The following GALNTL6 variants were observed in gnomAD, a reference collection of about 807,000 sequenced individuals.
GALNTL6 encodes polypeptide N-acetylgalactosaminyltransferase like 6, also known as polypeptide N-acetylgalactosaminyltransferase-like 6.
Under a neutral mutation model 73.7 loss-of-function variants are expected in GALNTL6, and 46 were observed. The ratio of observed to expected loss-of-function variants is 0.62; its 90% CI spans 0.49 to 0.80. The LOEUF (loss-of-function observed/expected upper bound fraction) is 0.80. GALNTL6 is among the 30% of genes least tolerant of loss of function. GALNTL6 has a pLI of 0.00. For synonymous variants in GALNTL6, 259 were observed against 263.7 expected, an observed-to-expected ratio of 0.98 and a Z score of 0.17; for missense variants, 604 against 755.0, an observed-to-expected ratio of 0.80 and a Z score of 2.34.
chr4:172,028,734 CA>C (rs1302000796), intron 2 of GALNTL6, among the ~76,000 whole-genome samples: 2 of 151,716 alleles, frequency 1.3e-5, no homozygotes, highest in Non-Finnish European at 2.9e-5. Context: ...TTATCAAAGA[CA>C]AAAAAATGCA....
chr4:172,481,949 G>C lies in GALNTL6; in HGVS notation c.553+133260G>C, dbSNP rs149021687. On this transcript the variant is annotated intron_variant, in intron 5 of 12. Coordinates refer to ENST00000506823, the MANE Select transcript of GALNTL6 (RefSeq NM_001034845.3). ...CAGGGAGCAGGGGGCAGTGCCCGTC[G>C]GGGAGGCTCGGGCTGCCAGGAGCCC... Among the ~76,000 whole-genome samples the C allele has an allele frequency of 2.7e-3, 407 of 152,320 alleles. 2 individuals are homozygous for C. Among genetic ancestry groups the C allele is most frequent in the African/African-American group, 9.0e-3 (375 of 41,590 alleles).
rs546035973 is a variant in GALNTL6 at position 172,323,725 on chromosome 4, C to T, written c.386+11973C>T. Among the ~76,000 whole-genome samples the T allele has an allele frequency of 2.2e-4, 34 of 152,090 alleles. No homozygotes were observed. The East Asian group carries it at 4.8e-3, about 22-fold the overall frequency. ...TCTGGATTTCACAGAATTTAACTACCTGAACTGTCATCTATCAGTAAAGCC... is the reference window on the plus strand; with the variant it reads ...TCTGGATTTCACAGAATTTAACTACTTGAACTGTCATCTATCAGTAAAGCC... On this transcript the variant is annotated intron_variant, in intron 4 of 12. Coordinates refer to ENST00000506823, the MANE Select transcript of GALNTL6 (RefSeq NM_001034845.3).
At chr4:172,929,508 A>G (rs1748220772) in intron 8 of GALNTL6, among the ~76,000 whole-genome samples, 1 of 152,156 alleles carries the variant, frequency 6.6e-6, no homozygotes, top group African/African-American at 2.4e-5. Context: ...TAAGTCCACA[A>G]TCTTCAGAGT....
At chr4:172,125,958 T>G (rs1733282760) in intron 2 of GALNTL6, among the ~76,000 whole-genome samples, 1 of 152,134 alleles carries the variant, frequency 6.6e-6, no homozygotes, top group Admixed American at 6.5e-5. Flanking sequence ...CTTCTTATAC[T>G]TTCTCTTATC....
intron 2 of GALNTL6, among the ~76,000 whole-genome samples, chr4:171,873,022 G>A (rs1336129100): frequency 1.3e-5 from 2 of 152,148 alleles, no homozygotes; most frequent in East Asian, 1.9e-4. Flanking sequence ...TGAATCCTGA[G>A]ATACTTATTA....
intron 2 of GALNTL6, among the ~76,000 whole-genome samples, chr4:171,991,730 G>GTATATATA (rs1248077137): frequency 1.1e-4 from 11 of 98,182 alleles, no homozygotes; most frequent in African/African-American, 6.4e-4. Flanking sequence ...GTGTGTGTGT[G>GTATATATA]TATATATATA....
chr4:172,730,323 A>G (rs537338056), intron 5 of GALNTL6, among the ~76,000 whole-genome samples: 6 of 152,194 alleles, frequency 3.9e-5, no homozygotes, highest in Non-Finnish European at 7.3e-5. Context: ...TTTAGAGGAT[A>G]GGTCTTCCAT....
At chr4:172,592,716 C>CTATCTATCTATCTATCT (rs1553963436) in intron 5 of GALNTL6, among the ~76,000 whole-genome samples, 1 of 151,536 alleles carries the variant, frequency 6.6e-6, no homozygotes, top group Non-Finnish European at 1.5e-5. Context: ...ATCTATCTAT[C>CTATCTATCTATCTATCT]GAGAGAGACT....
At chr4:172,418,385 C>T (rs1212627882) in intron 5 of GALNTL6, among the ~76,000 whole-genome samples, 3 of 152,082 alleles carry the variant, frequency 2.0e-5, no homozygotes, top group Non-Finnish European at 4.4e-5. Flanking sequence ...AGACATAACC[C>T]AGCAGGGCCT....
intron 2 of GALNTL6, among the ~76,000 whole-genome samples, chr4:171,870,917 G>A (rs1736117512): frequency 6.6e-6 from 1 of 152,126 alleles, no homozygotes. Flanking sequence ...TGTGTTTATT[G>A]AGATAGTAAA....
In GALNTL6 at chr4:171,855,018, A is replaced by T. The variant is rs774051351; in HGVS notation, c.138+40300A>T. ...TGCTCCCCTCACTTTTTTCCTTGAG[A>T]GCACTCCCTTAATAAGTTACATGCA... On this transcript the variant is annotated intron_variant, in intron 2 of 12. Coordinates refer to ENST00000506823, the MANE Select transcript of GALNTL6 (RefSeq NM_001034845.3). Among the ~76,000 whole-genome samples, 44 of 151,450 alleles carry T rather than the reference A, an allele frequency of 2.9e-4. 1 individual carries two copies. Among genetic ancestry groups the T allele is most frequent in the Non-Finnish European group, 3.1e-4 (21 of 67,928 alleles).
In GALNTL6 at chr4:172,340,261, A is replaced by G. The variant is rs547820109; in HGVS notation, c.387-8262A>G. Among the ~76,000 whole-genome samples, 3 of 152,232 alleles carry G rather than the reference A, an allele frequency of 2.0e-5. No homozygotes were observed. In the South Asian group the frequency reaches 6.2e-4, roughly 32 times the overall value. On this transcript the variant is annotated intron_variant, in intron 4 of 12. Coordinates refer to ENST00000506823, the MANE Select transcript of GALNTL6 (RefSeq NM_001034845.3). The stretch of plus-strand genomic sequence containing the variant: ...TCTATTGAGATGATCATGTGGTTTT[A>G]TGATTTTATTTTGTTAATATAGTGC...
chr4:172,776,749 A>G (rs1038538760), intron 5 of GALNTL6, among the ~76,000 whole-genome samples: 2 of 152,318 alleles, frequency 1.3e-5, no homozygotes, highest in East Asian at 3.9e-4. Flanking sequence ...GTGCTTGGTC[A>G]TGCTTGTTTC....
rs78291430 is a variant in GALNTL6 at position 172,642,777 on chromosome 4, C to T, written c.554-166584C>T. 4.8e-3 allele frequency among the ~76,000 whole-genome samples: 726 copies of T among 151,920 alleles called. 7 individuals carry two copies. The highest frequency in any genetic ancestry group is 0.016 in the African/African-American group (677 of 41,478). ...CATATGTTAATTAGCTAGTTTTACC[C>T]ATTTCACTATGTATAAACATTTAAA... is the stretch of plus-strand genomic sequence containing the variant. On this transcript the variant is annotated intron_variant, in intron 5 of 12. Transcript: ENST00000506823.
At chr4:172,464,388 C>T (rs1432634868) in intron 5 of GALNTL6, among the ~76,000 whole-genome samples, 1 of 151,882 alleles carries the variant, frequency 6.6e-6, no homozygotes, top group Non-Finnish European at 1.5e-5. Flanking sequence ...TGATAAAGAC[C>T]TAGAAATTTT....
At chr4:172,426,337 C>G in intron 5 of GALNTL6, among the ~76,000 whole-genome samples, 1 of 50,694 alleles carries the variant, frequency 2.0e-5, no homozygotes, top group African/African-American at 4.2e-5. Context: ...ATCTGTAGTC[C>G]ATAGCAGAGT....
chr4:171,840,718 T>G (rs1735217716), intron 2 of GALNTL6, among the ~76,000 whole-genome samples: 2 of 152,152 alleles, frequency 1.3e-5, no homozygotes, highest in African/African-American at 4.8e-5. Context: ...GAGTTTCGTG[T>G]AACAATATAT....
At chr4:172,279,595 G>T (rs1738970046) in intron 3 of GALNTL6, among the ~76,000 whole-genome samples, 3 of 152,062 alleles carry the variant, frequency 2.0e-5, no homozygotes, top group African/African-American at 7.2e-5. Flanking sequence ...AAGATATATT[G>T]GATTTTTGTG....
intron 5 of GALNTL6, among the ~76,000 whole-genome samples, chr4:172,375,903 A>G (rs947556162): frequency 3.3e-5 from 5 of 152,150 alleles, no homozygotes; most frequent in African/African-American, 9.7e-5. Context: ...TGCCCCAAAA[A>G]TGAAGTGGAG....
Sources: allele counts gnomAD v4.1 joint callset (sites outside exome capture counted in the v4.1 genomes callset), GRCh38; gene constraint gnomAD v4.1.1; transcripts MANE v1.5; gene names NCBI Gene and HGNC (gene_info 2026-07-23, HGNC 2026-07-21).